Variants in SEPTIN9 observed in about 807,000 individuals in gnomAD.
The protein encoded by SEPTIN9 is septin-9.
A neutral mutation model predicts 56.6 loss-of-function variants in SEPTIN9; 13 were observed. The observed-to-expected ratio is 0.23, with a 90% CI of 0.15 to 0.37. The LOEUF (loss-of-function observed/expected upper bound fraction) is 0.37, where lower values mean the gene tolerates loss of function less well. Among genes scored for constraint, SEPTIN9 ranks in the 10% least tolerant of loss-of-function variants. The pLI is 1.00. For synonymous variants in SEPTIN9, 332 were observed against 334.1 expected (o/e 0.99, Z 0.07); for missense variants, 650 against 823.1 (o/e 0.79, Z 2.57).
At chr17:77,454,689 CGCCGCT>C (rs946986354) in intron 3 of SEPTIN9, among the ~76,000 whole-genome samples, 1 of 152,212 alleles carries the variant, frequency 6.6e-6, no homozygotes, top group African/African-American at 2.4e-5. Context: ...TCAAACTCGC[CGCCGCT>C]CAGCCTCTTC....
intron 3 of SEPTIN9, among the ~76,000 whole-genome samples, chr17:77,467,230 C>T (rs1461896167): frequency 6.6e-6 from 1 of 152,212 alleles, no homozygotes; most frequent in Non-Finnish European, 1.5e-5. Flanking sequence ...CCACGCGGTG[C>T]TTGGGGACCA....
At chr17:77,478,596 C>G (rs560054448) in intron 3 of SEPTIN9, among the ~76,000 whole-genome samples, 1 of 152,124 alleles carries the variant, frequency 6.6e-6, no homozygotes, top group South Asian at 2.1e-4. Context: ...CATCTGAGGT[C>G]ACAAGTTCAA....
intron 3 of SEPTIN9, among the ~76,000 whole-genome samples, chr17:77,464,598 GA>G (rs2038625113): frequency 6.6e-6 from 1 of 150,702 alleles, no homozygotes; most frequent in African/African-American, 2.4e-5. Context: ...AGTTGACACA[GA>G]AATTTTTTTT....
intron 3 of SEPTIN9, among the ~76,000 whole-genome samples, chr17:77,473,056 G>GC (rs1037664792): frequency 2.0e-5 from 3 of 152,170 alleles, no homozygotes; most frequent in African/African-American, 4.8e-5. Flanking sequence ...TGTTTTCAGA[G>GC]CCCCCCAGGG....
rs1416313737 is a variant in SEPTIN9, at chr17:77,487,788, G to C, written c.1042+236G>C. Among the ~76,000 whole-genome samples, 1 of 150,524 alleles carries C rather than the reference G, an allele frequency of 6.6e-6. No homozygotes were observed. The highest frequency in any genetic ancestry group is 2.5e-5 in the African/African-American group (1 of 40,610). On this transcript the variant is annotated intron_variant, in intron 5 of 11. Coordinates refer to ENST00000427177, the MANE Select transcript of SEPTIN9 (RefSeq NM_001113491.2). The surrounding 1 kb of genome is among the most constrained non-coding windows in gnomAD (Gnocchi z 4.3). ...CCTTCCTGGAGCACAGGGGTTGGGG[G>C]TCAAGACCATCACACACGGTCAGTG...
rs1001604321 is a variant in SEPTIN9 at position 77,313,419 on chromosome 17, C to T, written c.76+6222C>T. ...CGGTTTGCACCAGTAAACCCTGCAGCGGCCCCAAGGGCAGAGATAGCTGGA... is the reference window on the plus strand; with the variant it reads ...CGGTTTGCACCAGTAAACCCTGCAGTGGCCCCAAGGGCAGAGATAGCTGGA... On this transcript the variant is annotated intron_variant, in intron 2 of 11. Coordinates refer to ENST00000427177, the MANE Select transcript of SEPTIN9 (RefSeq NM_001113491.2). The surrounding 1 kb of genome is among the most constrained non-coding windows in gnomAD (Gnocchi z 4.5). Among the ~76,000 whole-genome samples, 8 of 152,268 alleles carry T rather than the reference C, an allele frequency of 5.3e-5. No homozygotes were observed. Among genetic ancestry groups the T allele is most frequent in the Non-Finnish European group, 8.8e-5 (6 of 68,048 alleles).
At position 77,436,207 on chromosome 17, in the gene SEPTIN9, C is replaced by A. The variant is rs1001622147; in HGVS notation, c.721+33504C>A. Among the ~76,000 whole-genome samples, 1 of 152,190 alleles carries A rather than the reference C, an allele frequency of 6.6e-6. No homozygotes were observed. Among genetic ancestry groups the A allele is most frequent in the Non-Finnish European group, 1.5e-5 (1 of 68,038 alleles). The stretch of plus-strand genomic sequence containing the variant: ...TGGTGGATCCCATTTCCTCAGCCCC[C>A]TCTCCAGCTTTCCCAGGGAAAGGGC... On this transcript the variant is annotated intron_variant, in intron 3 of 11. Transcript: ENST00000427177. This position sits in a 1 kb window ranked among gnomAD's most constrained non-coding sequence, Gnocchi z 4.4.
At position 77,490,832 on chromosome 17, in the gene SEPTIN9, G is replaced by A; in HGVS notation, c.1353G>A (p.Leu451=). Residue 451 remains leucine, a synonymous_variant, in exon 8 of 12, where the codon CTG becomes CTA. Transcript: ENST00000427177. ...PVIAKADTLT[L]EERVHFKQRI... ...TCGCCAAGGCGGACACACTCACCCT[G>A]GAGGAGAGGGTCCACTTCAAACAGC... is the stretch of plus-strand genomic sequence containing the variant. 1.9e-6 allele frequency: 3 copies of A among 1,589,218 alleles called. No homozygotes were observed. The highest frequency in any genetic ancestry group is 2.6e-6 in the Non-Finnish European group (3 of 1,167,534).
At chr17:77,478,976 A>G (rs2039337732) in intron 3 of SEPTIN9, among the ~76,000 whole-genome samples, 1 of 152,232 alleles carries the variant, frequency 6.6e-6, no homozygotes, top group Non-Finnish European at 1.5e-5. Context: ...TCCGTAGAGT[A>G]GTCAGATTCA....
chr17:77,392,932 C>T (rs140253732), intron 2 of SEPTIN9, among the ~76,000 whole-genome samples: 71 of 152,220 alleles, frequency 4.7e-4, no homozygotes, highest in Admixed American at 3.5e-3. Flanking sequence ...TCCTTTTGGA[C>T]GGTTTTGCTT....
intron 1 of SEPTIN9, among the ~76,000 whole-genome samples, chr17:77,284,208 C>T (rs527718936): frequency 1.4e-4 from 21 of 152,296 alleles, no homozygotes; most frequent in African/African-American, 4.3e-4. Context: ...ACAGGAGGAT[C>T]GCTTGAAGCC....
intron 3 of SEPTIN9, among the ~76,000 whole-genome samples, chr17:77,471,381 A>G (rs1451012087): frequency 6.6e-6 from 1 of 152,248 alleles, no homozygotes; most frequent in Non-Finnish European, 1.5e-5. Flanking sequence ...TCTGCACAGC[A>G]GAAGGGAATT....
chr17:77,486,079 G>T (rs919878497), intron 4 of SEPTIN9, among the ~76,000 whole-genome samples: 1 of 152,106 alleles, frequency 6.6e-6, no homozygotes, highest in Non-Finnish European at 1.5e-5. Flanking sequence ...GCCTCCCAAA[G>T]TGCTGGGATT....
At chr17:77,290,219 A>G (rs1438116577) in intron 1 of SEPTIN9, among the ~76,000 whole-genome samples, 2 of 151,006 alleles carry the variant, frequency 1.3e-5, no homozygotes, top group African/African-American at 4.9e-5. Flanking sequence ...CTAGGTGGAG[A>G]CTGGCTTCAA....
intron 3 of SEPTIN9, among the ~76,000 whole-genome samples, chr17:77,480,829 A>T (rs1337258672): frequency 2.0e-5 from 3 of 152,156 alleles, no homozygotes; most frequent in Non-Finnish European, 2.9e-5. Flanking sequence ...GGGAGGCAGG[A>T]TGGGGCAAAA....
Position 77,321,423 on chromosome 17 carries a change from G to A in SEPTIN9, c.76+14226G>A, listed in dbSNP as rs541234562. Reference sequence around the variant, plus strand: ...CTTTTTTTTTTTTTTTCTTTGAGACGGAGTCTGGCTCTGTTGCCCAGGCTG... The same window carrying A: ...CTTTTTTTTTTTTTTTCTTTGAGACAGAGTCTGGCTCTGTTGCCCAGGCTG... On this transcript the variant is annotated intron_variant, in intron 2 of 11. Transcript: ENST00000427177. Among the ~76,000 whole-genome samples, 19 of 150,638 alleles carry A rather than the reference G, an allele frequency of 1.3e-4. No individual in the cohort carries two copies. The South Asian group carries it at 3.6e-3, about 28-fold the overall frequency.
At chr17:77,287,985 T>A in intron 1 of SEPTIN9, 3 of 1,056,954 alleles carry the variant, frequency 2.8e-6, no homozygotes, top group Non-Finnish European at 3.4e-6. Flanking sequence ...GGGCCTTCAG[T>A]GGCCTTTGTG....
intron 3 of SEPTIN9, among the ~76,000 whole-genome samples, chr17:77,470,120 T>C (rs2038922636): frequency 7.3e-6 from 1 of 137,754 alleles, no homozygotes; most frequent in Non-Finnish European, 1.6e-5. Context: ...TTCACTCATC[T>C]GTCCATCCAC....
chr17:77,496,115 A>G (rs1327815830), intron 10 of SEPTIN9: 3 of 142,034 alleles, frequency 2.1e-5, no homozygotes, highest in Non-Finnish European at 4.5e-5. Flanking sequence ...CACAACCTCC[A>G]CCTCCTGGGT....
Sources: gnomAD v4.1 joint callset for allele counts (sites outside exome capture counted in the v4.1 genomes callset) on GRCh38, gnomAD v4.1.1 for gene constraint, Gnocchi (gnomAD v3.1) non-coding constraint, MANE v1.5 for transcripts, NCBI Gene and HGNC (gene_info 2026-07-23, HGNC 2026-07-21) for gene names.